The following RBFOX1 variants were observed in gnomAD, a reference collection of about 807,000 sequenced individuals.
The protein encoded by RBFOX1 is RNA binding protein fox-1 homolog 1.
A neutral mutation model predicts 57.7 loss-of-function variants in RBFOX1; 8 were observed. That is an observed-to-expected ratio of 0.14 (90% CI 0.08 to 0.25). The LOEUF is 0.25. Among genes scored for constraint, RBFOX1 ranks in the 10% least tolerant of loss-of-function variants. The pLI is 1.00. For synonymous variants in RBFOX1, 326 were observed against 222.4 expected (o/e 1.47, Z -4.15); for missense variants, 611 against 548.5 (o/e 1.11, Z -1.14).
intron 4 of RBFOX1, among the ~76,000 whole-genome samples, chr16:7,445,144 C>T (rs1260062483): frequency 6.6e-6 from 1 of 151,896 alleles, no homozygotes; most frequent in Admixed American, 6.6e-5. Flanking sequence ...GGGATAGTCC[C>T]TTTTAAAGGG....
At chr16:7,487,593 G>A (rs41340155) in intron 4 of RBFOX1, among the ~76,000 whole-genome samples, 33,142 of 152,120 alleles carry the variant, frequency 0.22, 4,238 homozygotes, top group East Asian at 0.38. Flanking sequence ...TCCCATGCAT[G>A]AAGATAAGCA....
chr16:5,902,178 C>T (rs989661497), intron 4 of RBFOX1, among the ~76,000 whole-genome samples: 15 of 152,082 alleles, frequency 9.9e-5, no homozygotes, highest in South Asian at 4.1e-4. Context: ...ATTTATTTAT[C>T]GCCCTCTCTC....
intron 4 of RBFOX1, among the ~76,000 whole-genome samples, chr16:7,258,878 G>A (rs1285854228): frequency 6.6e-6 from 1 of 152,142 alleles, no homozygotes; most frequent in East Asian, 1.9e-4. Context: ...CCTGGGAAAG[G>A]AGAACATTAA....
intron 4 of RBFOX1, among the ~76,000 whole-genome samples, chr16:5,986,059 C>CTTTTTT (rs56316210): frequency 7.3e-6 from 1 of 136,202 alleles, no homozygotes. Context: ...TTTTTCTTTA[C>CTTTTTT]TTTTTTTTTT....
chr16:6,337,449 C>T lies in RBFOX1; in HGVS notation c.-64+20392C>T, dbSNP rs76302139. ...CCTCAGATATTTGCAGGTGAAAGAA[C>T]GAGAATACGAATATATGTTGTGGGC... On this transcript the variant is annotated intron_variant, in intron 2 of 15. Coordinates refer to ENST00000550418, the MANE Select transcript of RBFOX1 (RefSeq NM_018723.4). Among the ~76,000 whole-genome samples the T allele has an allele frequency of 1.4e-4, 21 of 152,196 alleles. No homozygotes were observed. In the East Asian group the frequency reaches 3.1e-3, roughly 22 times the overall value.
chr16:6,238,566 G>A (rs1481071165), intron 1 of RBFOX1, among the ~76,000 whole-genome samples: 2 of 152,160 alleles, frequency 1.3e-5, no homozygotes, highest in East Asian at 3.8e-4. Context: ...CATTAAGTAT[G>A]TATTAGTGAT....
chr16:6,015,475 A>T (rs907178457), upstream of RBFOX1, among the ~76,000 whole-genome samples: 1 of 152,216 alleles, frequency 6.6e-6, no homozygotes, highest in Non-Finnish European at 1.5e-5. Context: ...TGCCTGTGGT[A>T]AAGCAAATAC....
intron 3 of RBFOX1, among the ~76,000 whole-genome samples, chr16:5,834,768 TGC>T (rs1381013448): frequency 2.0e-5 from 3 of 147,394 alleles, no homozygotes; most frequent in African/African-American, 7.7e-5. Flanking sequence ...CATACATACA[TGC>T]ACAGATGATA....
At chr16:5,526,630 C>T (rs730432) in intron 2 of RBFOX1, among the ~76,000 whole-genome samples, 55,314 of 151,656 alleles carry the variant, frequency 0.36, 11,518 homozygotes, top group East Asian at 0.85. Flanking sequence ...AGGTAATTTT[C>T]CCAAGGACAC....
At chr16:5,707,152 A>G (rs1313168172) in intron 3 of RBFOX1, among the ~76,000 whole-genome samples, 1 of 152,134 alleles carries the variant, frequency 6.6e-6, no homozygotes, top group Non-Finnish European at 1.5e-5. Context: ...TACAAGCCTC[A>G]TTAGTGGGGA....
intron 3 of RBFOX1, among the ~76,000 whole-genome samples, chr16:6,664,590 A>C (rs2098720546): frequency 6.6e-6 from 1 of 152,178 alleles, no homozygotes; most frequent in African/African-American, 2.4e-5. Flanking sequence ...ACAGCTGCGC[A>C]TGTAGCCCAC....
intron 4 of RBFOX1, among the ~76,000 whole-genome samples, chr16:7,302,759 T>A (rs1449804062): frequency 6.8e-6 from 1 of 146,982 alleles, no homozygotes; most frequent in East Asian, 2.0e-4. Context: ...TTTTTTTTCC[T>A]GTCAGGACCA....
chr16:5,815,316 A>G (rs2052494648), intron 3 of RBFOX1, among the ~76,000 whole-genome samples: 1 of 151,824 alleles, frequency 6.6e-6, no homozygotes, highest in Non-Finnish European at 1.5e-5. Context: ...CAATGTCTTG[A>G]TCACATGTGG....
At chr16:7,598,486 C>G (rs142996557) in intron 9 of RBFOX1, among the ~76,000 whole-genome samples, 8 of 151,766 alleles carry the variant, frequency 5.3e-5, no homozygotes, top group African/African-American at 1.7e-4. Flanking sequence ...CATGGAGATA[C>G]GGATTTTTTA....
intron 4 of RBFOX1, among the ~76,000 whole-genome samples, chr16:7,070,026 A>G (rs2056996146): frequency 6.6e-6 from 1 of 152,192 alleles, no homozygotes; most frequent in Admixed American, 6.6e-5. Flanking sequence ...TTTTGCCATC[A>G]GTCTTTTATC....
intron 2 of RBFOX1, among the ~76,000 whole-genome samples, chr16:6,354,228 GACACAC>G (rs373217744): frequency 6.0e-5 from 9 of 149,760 alleles, no homozygotes; most frequent in Admixed American, 4.7e-4. Flanking sequence ...TCAACACACA[GACACAC>G]ACACACACAC....
intron 3 of RBFOX1, among the ~76,000 whole-genome samples, chr16:6,808,561 A>C (rs1053858738): frequency 6.6e-6 from 1 of 152,088 alleles, no homozygotes; most frequent in Non-Finnish European, 1.5e-5. Flanking sequence ...ACATTGTCTG[A>C]TGGGGAATAA....
At chr16:6,403,172 A>G (rs1007114855) in intron 2 of RBFOX1, among the ~76,000 whole-genome samples, 1 of 152,184 alleles carries the variant, frequency 6.6e-6, no homozygotes, top group East Asian at 1.9e-4. Context: ...GGAGATTGTT[A>G]GAACTACAGA....
intron 1 of RBFOX1, among the ~76,000 whole-genome samples, chr16:6,122,490 T>G (rs948833811): frequency 6.6e-6 from 1 of 152,138 alleles, no homozygotes; most frequent in African/African-American, 2.4e-5. Flanking sequence ...TTTCACCACT[T>G]TCTCATTCGA....
Sources: allele counts gnomAD v4.1 joint callset (sites outside exome capture counted in the v4.1 genomes callset), GRCh38; gene constraint gnomAD v4.1.1; transcripts MANE v1.5; gene names NCBI Gene and HGNC (gene_info 2026-07-23, HGNC 2026-07-21).